CDK13: variants seen among roughly 807,000 people sequenced by gnomAD.
The protein encoded by CDK13 is cyclin-dependent kinase 13.
Under a neutral mutation model 137.6 loss-of-function variants are expected in CDK13, and 40 were observed. That is an observed-to-expected ratio of 0.29 (90% CI 0.23 to 0.38). The LOEUF is 0.38. Ranked by LOEUF, CDK13 falls within the 10% of genes least tolerant of loss-of-function variation. The probability of loss-of-function intolerance (pLI) is 1.00; values close to 1 mark genes in which losing one functional copy is unlikely to be tolerated. For synonymous variants in CDK13, 869 were observed against 760.1 expected (o/e 1.14, Z -2.36); for missense variants, 1,704 against 1,951.8 (o/e 0.87, Z 2.39).
At chr7:40,055,860 G>A (rs2150522950) in intron 7 of CDK13, among the ~76,000 whole-genome samples, 1 of 152,264 alleles carries the variant, frequency 6.6e-6, no homozygotes, top group East Asian at 1.9e-4. Context: ...GGGATTACAG[G>A]CATGAGCCAC....
rs1433466197 is a variant in CDK13, at chr7:39,951,745, C to A, written c.1104C>A (p.Pro368=). The A allele has an allele frequency of 6.7e-7, 1 of 1,494,676 alleles. No homozygotes were observed. The highest frequency in any genetic ancestry group is 8.8e-7 in the Non-Finnish European group (1 of 1,133,676). 92.6% of individuals were successfully genotyped at this position (1,494,676 alleles called of 1,614,324 possible). ...SPSPYSRRRS[P]SYSRHSSYER... Reference sequence around the variant, plus strand: ...GCCCCTACAGTCGCCGCCGCTCCCCCAGCTACAGCCGCCACAGCTCCTACG... The same window carrying A: ...GCCCCTACAGTCGCCGCCGCTCCCCAAGCTACAGCCGCCACAGCTCCTACG... Residue 368 remains proline (P), a synonymous_variant, in exon 1 of 14, where the codon CCC becomes CCA. Transcript: ENST00000181839.
At chr7:39,985,869 G>A (rs971714043) in intron 1 of CDK13, 2 of 152,188 alleles carry the variant, frequency 1.3e-5, no homozygotes, top group Non-Finnish European at 2.9e-5. Context: ...TCTCTTGAGA[G>A]CTGTGAAGAG....
chr7:40,044,140 G>T (rs1015072062), intron 5 of CDK13, among the ~76,000 whole-genome samples: 2 of 151,390 alleles, frequency 1.3e-5, no homozygotes, highest in Admixed American at 6.6e-5. Context: ...CAGGTGATCC[G>T]CCCACTTTGG....
chr7:39,996,989 G>GAA (rs1784577839), intron 2 of CDK13, among the ~76,000 whole-genome samples: 5 of 106,396 alleles, frequency 4.7e-5, no homozygotes, highest in African/African-American at 2.0e-4. Flanking sequence ...AAAAAAAAAA[G>GAA]AAAAATGCTT....
chr7:40,033,693 T>C (rs1480654904), intron 5 of CDK13, among the ~76,000 whole-genome samples: 1 of 152,196 alleles, frequency 6.6e-6, no homozygotes, highest in Non-Finnish European at 1.5e-5. Context: ...ATTTGTTTAG[T>C]TGTATTCTCC....
At chr7:39,956,481 G>A (rs917305803) in intron 1 of CDK13, among the ~76,000 whole-genome samples, 8 of 151,888 alleles carry the variant, frequency 5.3e-5, no homozygotes, top group East Asian at 1.9e-4. Flanking sequence ...CATTCTTCTC[G>A]TTTCATCCAT....
intron 9 of CDK13, chr7:40,067,766 A>G (rs1786312772): frequency 6.6e-6 from 1 of 151,834 alleles, no homozygotes; most frequent in Admixed American, 6.6e-5. Context: ...CCTGGCCAAC[A>G]TGGTGAACGC....
intron 1 of CDK13, among the ~76,000 whole-genome samples, chr7:39,959,895 TC>T (rs1787554345): frequency 6.6e-6 from 1 of 151,816 alleles, no homozygotes; most frequent in Non-Finnish European, 1.5e-5. Flanking sequence ...TTGTCTTTTA[TC>T]TTTTAACCTT....
intron 2 of CDK13, among the ~76,000 whole-genome samples, chr7:39,990,205 G>A (rs1386995164): frequency 6.6e-6 from 1 of 151,860 alleles, no homozygotes; most frequent in Non-Finnish European, 1.5e-5. Context: ...TAATTAGTTG[G>A]TGGCACATTT....
Position 39,951,231 on chromosome 7 carries a change from G to T in CDK13, c.590G>T (p.Arg197Met). 2 of 1,282,570 alleles carry T rather than the reference G, an allele frequency of 1.6e-6. No homozygotes were observed. Among genetic ancestry groups the T allele is most frequent in the South Asian group, 2.6e-5 (1 of 38,608 alleles). The allele number at this position is 1,282,570 out of a possible 1,614,324, so 79.4% of individuals were successfully genotyped here. The change falls in exon 1 of 14, where the codon AGG becomes ATG. Residue 197 changes from arginine (R) to methionine (M), a missense_variant. Arg to Met is a moderately conservative substitution (Grantham distance 91). Coordinates refer to ENST00000181839, the MANE Select transcript of CDK13 (RefSeq NM_003718.5). ...CGGCGCGGGGAGGGGTCGGAGCGCA[G>T]GCCCCGCCGGGACCGCCGCAGCAGC... ...TQRRGEGSER[R>M]PRRDRRSSSG...
chr7:40,007,358 C>T (rs889291260), intron 5 of CDK13, among the ~76,000 whole-genome samples: 1 of 152,146 alleles, frequency 6.6e-6, no homozygotes, highest in Non-Finnish European at 1.5e-5. Flanking sequence ...GTTAGGTGCT[C>T]CTGTATACTT....
In CDK13 at chr7:39,987,794, A is replaced by G. The variant is rs766710253; in HGVS notation, c.1407A>G (p.Glu469=). 1 of 1,613,782 alleles carries G rather than the reference A, an allele frequency of 6.2e-7. No individual in the cohort carries two copies. The highest frequency in any genetic ancestry group is 8.5e-7 in the Non-Finnish European group (1 of 1,179,954). Residue 469 remains glutamate (E), a synonymous_variant, in exon 2 of 14, where the codon GAA becomes GAG. Coordinates refer to ENST00000181839, the MANE Select transcript of CDK13 (RefSeq NM_003718.5). ...CAGCAGAGGCAGCAAGAGCCGCAGA[A>G]GCAGCGAAAGCTGCAGAAGCAACTA... ...ARAAEAARAA[E]AAKAAEATKA...
intron 5 of CDK13, among the ~76,000 whole-genome samples, chr7:40,022,926 A>G (rs1435554866): frequency 1.3e-5 from 2 of 151,328 alleles, no homozygotes; most frequent in Non-Finnish European, 2.9e-5. Flanking sequence ...AAAACTTTGC[A>G]AATAGTCTGA....
At chr7:40,012,991 C>T (rs1784928387) in intron 5 of CDK13, among the ~76,000 whole-genome samples, 1 of 151,796 alleles carries the variant, frequency 6.6e-6, no homozygotes, top group African/African-American at 2.4e-5. Flanking sequence ...TTCACAGTAG[C>T]CGCAAGGTGG....
At chr7:39,971,497 A>G (rs987153243) in intron 1 of CDK13, among the ~76,000 whole-genome samples, 3 of 152,208 alleles carry the variant, frequency 2.0e-5, no homozygotes, top group Admixed American at 6.5e-5. Flanking sequence ...AGCCTGGGCA[A>G]CAGAGTAAGA....
rs1057000 is a variant in CDK13, at chr7:39,999,417, G to A, written c.2099G>A (p.Arg700His). Residue 700 changes from arginine (R) to histidine (H), a missense_variant, in exon 4 of 14, where the codon CGC (arginine) becomes CAC (histidine). This residue lies in a region of CDK13 where 130 missense variants were observed against 362.4 expected (regional missense o/e 0.36). Coordinates refer to ENST00000181839, the MANE Select transcript of CDK13 (RefSeq NM_003718.5). Reference sequence around the variant, plus strand: ...GAAAAAGATATTGACTGGGGAAAACGCTGCGTGGATAAATTTGATATCATC... The same window carrying A: ...GAAAAAGATATTGACTGGGGAAAACACTGCGTGGATAAATTTGATATCATC... ...TKEKDIDWGK[R>H]CVDKFDIIGI... The A allele has an allele frequency of 2.5e-6, 4 of 1,613,206 alleles. No homozygotes were observed. Among genetic ancestry groups the A allele is most frequent in the South Asian group, 1.1e-5 (1 of 91,028 alleles).
chr7:40,049,179 CAAAAAAAAAAA>C (rs917975927), intron 7 of CDK13: 3 of 51,326 alleles, frequency 5.8e-5, no homozygotes, highest in African/African-American at 1.5e-4. Flanking sequence ...AGACTGTCTC[CAAAAAAAAAAA>C]AAAAAAAAAA....
Position 39,951,593 on chromosome 7 carries a change from C to G in CDK13, c.952C>G (p.Pro318Ala), listed in dbSNP as rs1184896985. ...CTACAGGCGGCGGCGGTCCCTCAGC[C>G]CACTGGGAGGCCGGGACGACAGCCC... ...KAYRRRRSLS[P>A]LGGRDDSPVS... is the part of the protein sequence containing the mutation. Residue 318 changes from proline to alanine, a missense_variant, in exon 1 of 14, where the codon CCA becomes GCA. Around this residue, in one of 5 missense-constraint regions of CDK13, gnomAD observed 1,051 missense variants for 931.0 expected, o/e 1.13. Transcript: ENST00000181839. 4 of 1,495,256 alleles carry G rather than the reference C, an allele frequency of 2.7e-6. No individual in the cohort carries two copies. Among genetic ancestry groups the G allele is most frequent in the South Asian group, 2.6e-5 (2 of 77,322 alleles). 92.6% of individuals were successfully genotyped at this position (1,495,256 alleles called of 1,614,324 possible). A position where few individuals can be genotyped will look rare whatever the true frequency, so the allele number is the denominator to read the frequency against.
intron 1 of CDK13, among the ~76,000 whole-genome samples, chr7:39,953,446 A>G (rs988931475): frequency 1.4e-4 from 21 of 152,118 alleles, no homozygotes; most frequent in South Asian, 2.1e-4. Context: ...TTAAGAATGG[A>G]TTTTGTACTT....
Sources: allele counts gnomAD v4.1 joint callset (sites outside exome capture counted in the v4.1 genomes callset), GRCh38; gene constraint gnomAD v4.1.1; regional missense constraint gnomAD v4.1.1; transcripts MANE v1.5; gene names NCBI Gene and HGNC (gene_info 2026-07-23, HGNC 2026-07-21).